Variants in IFTAP observed in about 807,000 individuals in gnomAD.
The protein encoded by IFTAP is intraflagellar transport associated protein, also known as intraflagellar transport-associated protein.
IFTAP carries 19 observed loss-of-function variants against 19.4 expected under a neutral mutation model. The ratio of observed to expected loss-of-function variants is 0.98; its 90% CI spans 0.68 to 1.44. The LOEUF (loss-of-function observed/expected upper bound fraction) is 1.44, where lower values mean the gene tolerates loss of function less well. Among genes scored for constraint, IFTAP ranks in the 40% most tolerant of loss-of-function variants. The pLI is 0.00. For synonymous variants in IFTAP, 85 were observed against 83.5 expected (o/e 1.02, Z -0.10); for missense variants, 240 against 253.6 (o/e 0.95, Z 0.36).
intron 4 of IFTAP, among the ~76,000 whole-genome samples, chr11:36,641,300 A>G (rs1002465260): frequency 2.0e-5 from 3 of 152,192 alleles, no homozygotes; most frequent in Non-Finnish European, 4.4e-5. Context: ...TAATTTGATT[A>G]TTAGTAATGA....
chr11:36,649,997 G>A lies in IFTAP; in HGVS notation c.498+1842G>A, dbSNP rs1315662375. Among the ~76,000 whole-genome samples the A allele has an allele frequency of 2.6e-5, 4 of 152,028 alleles. No individual in the cohort carries two copies. The East Asian group carries it at 7.7e-4, about 29-fold the overall frequency. On this transcript the variant is annotated intron_variant, in intron 5 of 5. Transcript: ENST00000334307. ...GGAGCATTATGGATTTCAGATTTGG[G>A]GATTAGGGATGCTCAACTCGTATAT...
chr11:36,636,081 G>T lies in IFTAP; in HGVS notation c.322G>T (p.Asp108Tyr). 1.2e-6 allele frequency: 2 copies of T among 1,608,878 alleles called. No homozygotes were observed. The change falls in exon 4 of 6, where the codon GAC becomes TAC. Residue 108 changes from aspartate (D) to tyrosine (Y), a missense_variant. Transcript: ENST00000334307. ...VDNFLDLEDL[D>Y]MDEEIKPQMS... The stretch of plus-strand genomic sequence containing the variant: ...TAATTTCCTAGATTTAGAAGATTTG[G>T]ACATGGATGAAGAGATTAAACCCCA...
At chr11:36,636,498 A>T (rs1416858390) in intron 4 of IFTAP, among the ~76,000 whole-genome samples, 1 of 152,158 alleles carries the variant, frequency 6.6e-6, no homozygotes, top group African/African-American at 2.4e-5. Context: ...AAATCATAAA[A>T]ATATCAGAAT....
chr11:36,600,921 C>T (rs10768219), intron 1 of IFTAP, among the ~76,000 whole-genome samples: 87,556 of 152,074 alleles, frequency 0.58, 28,528 homozygotes, highest in African/African-American at 0.87. Flanking sequence ...TATTTTTACA[C>T]TCAAACTACT....
chr11:36,600,641 T>C (rs1320521849), intron 1 of IFTAP, among the ~76,000 whole-genome samples: 1 of 152,230 alleles, frequency 6.6e-6, no homozygotes, highest in African/African-American at 2.4e-5. Context: ...GATAGTAGAA[T>C]GAAGCAACTT....
At chr11:36,608,801 C>T (rs1342088624) in intron 1 of IFTAP, among the ~76,000 whole-genome samples, 1 of 152,084 alleles carries the variant, frequency 6.6e-6, no homozygotes, top group Non-Finnish European at 1.5e-5. Context: ...TAAAGGGATG[C>T]AGTCAATGTG....
chr11:36,638,468 A>G (rs73438001), intron 4 of IFTAP, among the ~76,000 whole-genome samples: 23,473 of 152,180 alleles, frequency 0.15, 2,612 homozygotes, highest in African/African-American at 0.31. Flanking sequence ...CTGAAAATCA[A>G]CCTAGGCTTC....
intron 2 of IFTAP, among the ~76,000 whole-genome samples, chr11:36,615,938 A>G (rs1216855066): frequency 6.6e-6 from 1 of 151,954 alleles, no homozygotes; most frequent in Non-Finnish European, 1.5e-5. Flanking sequence ...ATTTCTTTTA[A>G]TTGCCTTCCA....
intron 2 of IFTAP, among the ~76,000 whole-genome samples, chr11:36,629,624 CT>C (rs1852652241): frequency 1.3e-5 from 2 of 151,454 alleles, no homozygotes; most frequent in South Asian, 4.1e-4. Flanking sequence ...AAAATAATCA[CT>C]TTTATCTGAA....
chr11:36,635,145 A>T (rs1852892393), intron 3 of IFTAP, among the ~76,000 whole-genome samples: 1 of 152,156 alleles, frequency 6.6e-6, no homozygotes, highest in African/African-American at 2.4e-5. Context: ...GGGGGAAGAA[A>T]GACCCAGCCT....
chr11:36,646,168 A>G (rs879735148), intron 4 of IFTAP, among the ~76,000 whole-genome samples: 3 of 152,224 alleles, frequency 2.0e-5, no homozygotes, highest in African/African-American at 4.8e-5. Context: ...AAGAAATTGC[A>G]GAGTTGTCCT....
chr11:36,610,361 T>C, intron 2 of IFTAP, 122 bp downstream of exon 2: 1 of 918,488 alleles, frequency 1.1e-6, no homozygotes. Context: ...GTTTATCAGG[T>C]AATTCTTACT....
chr11:36,658,225 G>A (rs1854078848), intron 5 of IFTAP, among the ~76,000 whole-genome samples: 1 of 152,144 alleles, frequency 6.6e-6, no homozygotes, highest in Non-Finnish European at 1.5e-5. Flanking sequence ...CTACATAGAA[G>A]TACTGGATGA....
intron 1 of IFTAP, among the ~76,000 whole-genome samples, chr11:36,604,200 C>G (rs1479974586): frequency 6.6e-6 from 1 of 152,156 alleles, no homozygotes. Flanking sequence ...AATCCCCAAA[C>G]CTTTCCTACC....
At chr11:36,653,241 A>G (rs960448705) in intron 5 of IFTAP, among the ~76,000 whole-genome samples, 1 of 152,136 alleles carries the variant, frequency 6.6e-6, no homozygotes, top group Non-Finnish European at 1.5e-5. Flanking sequence ...CTCTCCATCA[A>G]CAGTGTCTCT....
At chr11:36,609,960 C>G (rs1232777139) in intron 1 of IFTAP, 121 bp from the exon 2 acceptor site, 3 of 821,278 alleles carry the variant, frequency 3.7e-6, no homozygotes, top group South Asian at 3.3e-5. Flanking sequence ...GGTCACTGCT[C>G]TAGTAACTAT....
At position 36,649,354 on chromosome 11, in the gene IFTAP, T is replaced by C. The variant is rs150634797; in HGVS notation, c.498+1199T>C. Among the ~76,000 whole-genome samples the C allele has an allele frequency of 7.2e-3, 1,100 of 152,230 alleles. 10 individuals carry two copies. Among genetic ancestry groups the C allele is most frequent in the African/African-American group, 0.025 (1,040 of 41,554 alleles). On this transcript the variant is annotated intron_variant, in intron 5 of 5. Coordinates refer to ENST00000334307, the MANE Select transcript of IFTAP (RefSeq NM_138787.4). Reference sequence around the variant, plus strand: ...ACTGGTAGGGACAGCCACTTTTCAATATGCTTTTTGAATTATAGATTGCTT... The same window carrying C: ...ACTGGTAGGGACAGCCACTTTTCAACATGCTTTTTGAATTATAGATTGCTT...
chr11:36,595,323 A>G (rs1851171375), intron 1 of IFTAP: 1 of 152,256 alleles, frequency 6.6e-6, no homozygotes, highest in Admixed American at 6.5e-5. Flanking sequence ...TCAGAATTTC[A>G]TACTTGTGTT....
intron 2 of IFTAP, among the ~76,000 whole-genome samples, chr11:36,613,621 G>A (rs561698058): frequency 2.0e-5 from 3 of 152,130 alleles, no homozygotes; most frequent in African/African-American, 7.2e-5. Flanking sequence ...TGGAGGGACG[G>A]CAATAAAGTC....
Sources: gnomAD v4.1 joint callset for allele counts (sites outside exome capture counted in the v4.1 genomes callset) on GRCh38, gnomAD v4.1.1 for gene constraint, MANE v1.5 for transcripts, NCBI Gene and HGNC (gene_info 2026-07-23, HGNC 2026-07-21) for gene names.